NRG1: variants seen among roughly 807,000 people sequenced by gnomAD.
NRG1 encodes the protein pro-neuregulin-1, membrane-bound isoform.
NRG1 carries 18 observed loss-of-function variants against 63.8 expected under a neutral mutation model. The ratio of observed to expected loss-of-function variants is 0.28; its 90% CI spans 0.19 to 0.42. The LOEUF is 0.42. Ranked by LOEUF, NRG1 falls within the 10% of genes least tolerant of loss-of-function variation. The pLI is 1.00. For synonymous variants in NRG1, 302 were observed against 301.3 expected (o/e 1.00, Z -0.02); for missense variants, 762 against 814.7 (o/e 0.94, Z 0.79).
chr8:32,669,533 T>G (rs1449985944), intron 5 of NRG1, among the ~76,000 whole-genome samples: 1 of 152,170 alleles, frequency 6.6e-6, no homozygotes, highest in Non-Finnish European at 1.5e-5. Flanking sequence ...TAACCGTGTC[T>G]AGAAAGAAGG....
At chr8:32,051,259 C>T (rs1372669273) in intron 1 of NRG1, among the ~76,000 whole-genome samples, 1 of 152,036 alleles carries the variant, frequency 6.6e-6, no homozygotes, top group Admixed American at 6.6e-5. Flanking sequence ...GTATAACAAC[C>T]TCTGCTAGAC....
chr8:32,698,690 G>A (rs957802913), intron 5 of NRG1, among the ~76,000 whole-genome samples: 2 of 152,160 alleles, frequency 1.3e-5, no homozygotes, highest in African/African-American at 2.4e-5. Context: ...CCAGTGCTTG[G>A]GGAAGAATGG....
At position 32,295,661 on chromosome 8, in the gene NRG1, G is replaced by T. The variant is rs1226941073; in HGVS notation, c.38-300167G>T. 2.2e-4 allele frequency among the ~76,000 whole-genome samples: 34 copies of T among 152,078 alleles called. 1 individual carries two copies. The highest frequency in any genetic ancestry group is 2.1e-3 in the Admixed American group (32 of 15,262). On this transcript the variant is annotated intron_variant, in intron 1 of 10. Coordinates refer to the NRG1 transcript ENST00000519301. ...TCAAGTGATTGGAAAGAATTTTAAA[G>T]AGACTTGGGCTGAGTGCAGTGGCTC...
chr8:32,062,348 C>A (rs1824025985), intron 1 of NRG1, among the ~76,000 whole-genome samples: 1 of 151,990 alleles, frequency 6.6e-6, no homozygotes, highest in African/African-American at 2.4e-5. Flanking sequence ...TCAATAGGAT[C>A]TCCTGGATTT....
At chr8:32,409,293 T>G (rs957214254) in intron 1 of NRG1, among the ~76,000 whole-genome samples, 1 of 152,142 alleles carries the variant, frequency 6.6e-6, no homozygotes, top group Non-Finnish European at 1.5e-5. Context: ...CCTGACACTA[T>G]AAAAATCCTA....
At chr8:31,766,637 G>A (rs2131547580) in intron 1 of NRG1, among the ~76,000 whole-genome samples, 1 of 152,206 alleles carries the variant, frequency 6.6e-6, no homozygotes, top group South Asian at 2.1e-4. Flanking sequence ...GATTGAAATT[G>A]TCCAATTCAT....
intron 1 of NRG1, among the ~76,000 whole-genome samples, chr8:32,068,751 G>T (rs1825286247): frequency 6.6e-6 from 1 of 152,218 alleles, no homozygotes; most frequent in Non-Finnish European, 1.5e-5. Context: ...AGCAGTGCAA[G>T]ATGTCTTGTT....
chr8:32,400,654 GAC>G (rs1210925094), intron 1 of NRG1, among the ~76,000 whole-genome samples: 1 of 152,180 alleles, frequency 6.6e-6, no homozygotes, highest in Non-Finnish European at 1.5e-5. Flanking sequence ...AACAGATGCT[GAC>G]AGAGTAAAGG....
intron 5 of NRG1, among the ~76,000 whole-genome samples, chr8:32,715,312 A>G (rs1306825093): frequency 6.6e-6 from 1 of 152,156 alleles, no homozygotes; most frequent in African/African-American, 2.4e-5. Context: ...AACTATGACC[A>G]TTGAATTCCT....
chr8:32,269,999 A>G (rs1342095663), intron 1 of NRG1, among the ~76,000 whole-genome samples: 1 of 152,138 alleles, frequency 6.6e-6, no homozygotes, highest in African/African-American at 2.4e-5. Flanking sequence ...AAGAAATATA[A>G]CATCTGCTTT....
chr8:31,865,912 T>A (rs1585360260), intron 1 of NRG1, among the ~76,000 whole-genome samples: 1 of 152,326 alleles, frequency 6.6e-6, no homozygotes, highest in Non-Finnish European at 1.5e-5. Context: ...TTACTTCTTA[T>A]GACTTTTTAC....
intron 5 of NRG1, chr8:32,647,200 G>T: frequency 1.0e-6 from 1 of 985,376 alleles, no homozygotes. Flanking sequence ...TAACACAACA[G>T]GATGCTGTTG....
intron 1 of NRG1, among the ~76,000 whole-genome samples, chr8:32,587,990 G>C (rs1841918980): frequency 6.6e-6 from 1 of 152,060 alleles, no homozygotes; most frequent in South Asian, 2.1e-4. Flanking sequence ...GTGCAGTGGT[G>C]TGCCCACTGC....
At chr8:31,665,618 T>C (rs1350841917) in intron 1 of NRG1, among the ~76,000 whole-genome samples, 2 of 152,226 alleles carry the variant, frequency 1.3e-5, no homozygotes, top group African/African-American at 2.4e-5. Flanking sequence ...AGATTACTTT[T>C]AGCTTAGGTC....
chr8:31,843,085 G>A (rs1218060644), intron 1 of NRG1, among the ~76,000 whole-genome samples: 1 of 152,020 alleles, frequency 6.6e-6, no homozygotes, highest in African/African-American at 2.4e-5. Flanking sequence ...GAACTTGGAT[G>A]TAGCAGGACA....
At chr8:32,353,137 G>A (rs1026445840) in intron 1 of NRG1, among the ~76,000 whole-genome samples, 1 of 150,378 alleles carries the variant, frequency 6.6e-6, no homozygotes, top group African/African-American at 2.4e-5. Flanking sequence ...ATAAGAAATT[G>A]CACTGGTATC....
chr8:32,526,127 G>A (rs1232954133), intron 1 of NRG1, among the ~76,000 whole-genome samples: 1 of 152,118 alleles, frequency 6.6e-6, no homozygotes, highest in Non-Finnish European at 1.5e-5. Context: ...GCTCAGCTTG[G>A]CCCCCTACTT....
chr8:32,620,562 C>A (rs1260711505), intron 5 of NRG1, among the ~76,000 whole-genome samples: 1 of 150,918 alleles, frequency 6.6e-6, no homozygotes, highest in African/African-American at 2.4e-5. Context: ...GTGGCTCATG[C>A]CTGTAATCCT....
At chr8:31,646,205 C>A (rs1804271098) in intron 1 of NRG1, among the ~76,000 whole-genome samples, 1 of 152,236 alleles carries the variant, frequency 6.6e-6, no homozygotes, top group African/African-American at 2.4e-5. Context: ...AAGCCCAAGG[C>A]TCTGTCTTTG....
Sources: gnomAD v4.1 joint callset for allele counts (sites outside exome capture counted in the v4.1 genomes callset) on GRCh38, gnomAD v4.1.1 for gene constraint, MANE v1.5 for transcripts, NCBI Gene and HGNC (gene_info 2026-07-23, HGNC 2026-07-21) for gene names.